ANXA11: variants seen among roughly 807,000 people sequenced by gnomAD.
ANXA11 encodes the protein annexin A11, also known as 56 kDa autoantigen.
ANXA11 carries 57 observed loss-of-function variants against 64.7 expected under a neutral mutation model. The ratio of observed to expected loss-of-function variants is 0.88; its 90% confidence interval spans 0.71 to 1.10. The LOEUF is 1.10. ANXA11 is among the 50% of genes least tolerant of loss of function. ANXA11 has a pLI of 0.00. For missense variants in ANXA11, 675 were observed against 670.7 expected, an observed-to-expected ratio of 1.01 and a Z score of -0.07; for synonymous variants, 260 against 265.2, an observed-to-expected ratio of 0.98 and a Z score of 0.19.
chr10:80,202,928 C>T (rs1840498837), intron 1 of ANXA11, among the ~76,000 whole-genome samples: 1 of 151,804 alleles, frequency 6.6e-6, no homozygotes, highest in Non-Finnish European at 1.5e-5. Flanking sequence ...TGCCTGTAAT[C>T]CCAGCTACTC....
chr10:80,187,569 ACT>A (rs796909130), intron 1 of ANXA11, among the ~76,000 whole-genome samples: 88 of 118,852 alleles, frequency 7.4e-4, no homozygotes, highest in Middle Eastern at 4.2e-3. Flanking sequence ...ACACACACAC[ACT>A]CTCTCTCTCT....
At position 80,159,127 on chromosome 10, in the gene ANXA11, C is replaced by A. The variant is rs773306833; in HGVS notation, c.1249G>T (p.Asp417Tyr). The change falls in exon 13 of 16, where the codon GAC (aspartate) becomes TAC (tyrosine). Residue 417 changes from aspartate (D) to tyrosine (Y), a missense_variant. By Grantham distance (160) the Asp-to-Tyr change is radical. Coordinates refer to ENST00000422982, the MANE Select transcript of ANXA11 (RefSeq NM_145868.2). ...ACGGCCAGCATGCCCTCCTCCAGGTCCCCGGACATCTCCCGGCAGATGCTC... is the reference window on the plus strand; with the variant it reads ...ACGGCCAGCATGCCCTCCTCCAGGTACCCGGACATCTCCCGGCAGATGCTC... ...EKSICREMSG[D>Y]LEEGMLAVVK... The A allele has an allele frequency of 6.2e-7, 1 of 1,614,086 alleles. No homozygotes were observed. The highest frequency in any genetic ancestry group is 1.3e-5 in the African/African-American group (1 of 75,028).
At chr10:80,158,967 T>C in intron 13 of ANXA11, 133 bp downstream of exon 13, 1 of 696,362 alleles carries the variant, frequency 1.4e-6, no homozygotes, top group Non-Finnish European at 2.5e-6. Context: ...ATCTGGACAC[T>C]CTGGGCTGAG....
rs776010573 is a variant in ANXA11 at position 80,161,884 on chromosome 10, C to G, written c.1180+51G>C. ...CCCATAGCTTTGTTTCCCCACAATCCCCTGACTGCCCTCATCTAACTGGCC... is the reference window on the plus strand; with the variant it reads ...CCCATAGCTTTGTTTCCCCACAATCGCCTGACTGCCCTCATCTAACTGGCC... On this transcript the variant is annotated intron_variant, in intron 12 of 15. Coordinates refer to ENST00000422982, the MANE Select transcript of ANXA11 (RefSeq NM_145868.2). 3 of 1,479,502 alleles carry G rather than the reference C, an allele frequency of 2.0e-6. No individual in the cohort carries two copies. In the South Asian group the frequency reaches 3.4e-5, roughly 17 times the overall value. The allele number at this position is 1,479,502 out of a possible 1,614,324, so 91.6% of individuals were successfully genotyped here.
At position 80,168,978 on chromosome 10, in the gene ANXA11, G is replaced by T. The variant is rs765664521; in HGVS notation, c.552C>A (p.Pro184=). 1.3e-5 allele frequency: 20 copies of T among 1,533,026 alleles called. No homozygotes were observed. The Middle Eastern group carries it at 5.6e-4, about 43-fold the overall frequency. 95.0% of individuals were successfully genotyped at this position (1,533,026 alleles called of 1,614,324 possible). Residue 184 remains proline, a synonymous_variant, in exon 5 of 16, where the codon CCC becomes CCA. Transcript: ENST00000422982. ...PGSGTVTPAV[P]PTQFGSRGTI... is the part of the protein sequence containing the mutation. ...GTGGGCTGACACTCACCTGGGTTGGGGGCACAGCGGGGGTGACAGTCCCAG... is the reference window on the plus strand; with the variant it reads ...GTGGGCTGACACTCACCTGGGTTGGTGGCACAGCGGGGGTGACAGTCCCAG...
intron 1 of ANXA11, among the ~76,000 whole-genome samples, chr10:80,203,202 T>C (rs904914588): frequency 1.3e-5 from 2 of 152,246 alleles, no homozygotes; most frequent in Admixed American, 6.5e-5. Context: ...TTCTTTTCTC[T>C]ATTCTACAAT....
chr10:80,157,694 T>G lies in ANXA11; in HGVS notation c.1405A>C (p.Ile469Leu). ...VSRSETDLLD[I>L]RSEYKRMYGK... ...TACATCCGCTTATACTCTGATCTGA[T>G]GTCCAGGAGGTCGGTCTCGCTGCGA... The change falls in exon 15 of 16, where the codon ATC becomes CTC. Residue 469 changes from isoleucine (I) to leucine (L), a missense_variant. Coordinates refer to ENST00000422982, the MANE Select transcript of ANXA11 (RefSeq NM_145868.2). The G allele has an allele frequency of 6.2e-7, 1 of 1,614,002 alleles. No individual in the cohort carries two copies. The highest frequency in any genetic ancestry group is 1.1e-5 in the South Asian group (1 of 91,068).
intron 2 of ANXA11, 193 bp from the exon 3 acceptor site, chr10:80,173,062 G>C (rs1846042172): frequency 1.8e-6 from 1 of 556,902 alleles, no homozygotes; most frequent in Non-Finnish European, 3.2e-6. Flanking sequence ...GTACCCACCA[G>C]CATGCTGCCT....
intron 6 of ANXA11, 100 bp downstream of exon 6, chr10:80,167,126 G>T: frequency 7.4e-7 from 1 of 1,347,574 alleles, no homozygotes; most frequent in Non-Finnish European, 1.1e-6. Flanking sequence ...ACTGGGGCCA[G>T]GTCAGCGTCC....
chr10:80,161,860 C>T, intron 12 of ANXA11, 75 bp downstream of exon 12: 1 of 1,310,520 alleles, frequency 7.6e-7, no homozygotes, highest in South Asian at 1.2e-5. Context: ...CCAAGTGTTC[C>T]CATAGCTTTG....
chr10:80,155,914 TG>T lies in ANXA11; in HGVS notation c.1459-3del. The T allele has an allele frequency of 6.2e-7, 1 of 1,614,020 alleles. No homozygotes were observed. The highest frequency in any genetic ancestry group is 8.5e-7 in the Non-Finnish European group (1 of 1,179,858). ...CCGGTAATCCCCTGAAGTATCTCCC[TG>T]GCCACAGAAACAAGGAAGACATCCG... is the stretch of plus-strand genomic sequence containing the variant. On this transcript the variant is annotated splice_polypyrimidine_tract_variant and splice_region_variant and intron_variant, in intron 15 of 15. Coordinates refer to ENST00000422982, the MANE Select transcript of ANXA11 (RefSeq NM_145868.2).
At chr10:80,181,214 G>T (rs1359728866) in intron 1 of ANXA11, 2 of 152,222 alleles carry the variant, frequency 1.3e-5, no homozygotes, top group Non-Finnish European at 2.9e-5. Context: ...ACTTTGGGAG[G>T]CTGACGCAGG....
chr10:80,165,124 C>CG (rs1179060692), intron 8 of ANXA11, among the ~76,000 whole-genome samples: 3 of 152,192 alleles, frequency 2.0e-5, no homozygotes, highest in Non-Finnish European at 4.4e-5. Flanking sequence ...CCTGGGGCCC[C>CG]GGGCCATCGC....
intron 1 of ANXA11, among the ~76,000 whole-genome samples, chr10:80,187,742 G>A (rs763294796): frequency 7.9e-5 from 12 of 152,112 alleles, no homozygotes; most frequent in Non-Finnish European, 1.5e-4. Context: ...GCCAGGGCCC[G>A]CCTAGGAGGG....
chr10:80,180,146 C>T (rs1439995286), intron 1 of ANXA11, among the ~76,000 whole-genome samples: 1 of 152,198 alleles, frequency 6.6e-6, no homozygotes, highest in Admixed American at 6.5e-5. Flanking sequence ...AGTCCCCTAA[C>T]ACAGGAATCT....
At chr10:80,197,136 C>T (rs778565504) in intron 1 of ANXA11, among the ~76,000 whole-genome samples, 6 of 152,174 alleles carry the variant, frequency 3.9e-5, no homozygotes, top group East Asian at 1.9e-4. Context: ...AAAGACTCTG[C>T]CTGAGGTCTC....
intron 2 of ANXA11, among the ~76,000 whole-genome samples, chr10:80,175,110 A>G (rs1362701373): frequency 1.3e-5 from 2 of 152,162 alleles, no homozygotes; most frequent in African/African-American, 2.4e-5. Context: ...CCCCGGTGGC[A>G]TCACCTTCAG....
chr10:80,166,287 C>T, intron 7 of ANXA11, 90 bp from the exon 8 acceptor site: 1 of 743,728 alleles, frequency 1.3e-6, no homozygotes, highest in Non-Finnish European at 2.2e-6. Context: ...AGCCATATCC[C>T]AGATTTGAGG....
rs1321386250 is a variant in ANXA11, at chr10:80,153,802, C to G, written c.*2051G>C. 1.3e-5 allele frequency: 2 copies of G among 152,286 alleles called. No individual in the cohort carries two copies. Among genetic ancestry groups the G allele is most frequent in the African/African-American group, 2.4e-5 (1 of 41,470 alleles). 9.4% of individuals were successfully genotyped at this position (152,286 alleles called of 1,614,324 possible). A position where few individuals can be genotyped will look rare whatever the true frequency, so the allele number is the denominator to read the frequency against. ...TCTCAGCTCATGGCTGCTCCACACC[C>G]TTCGGATGTCATTCTTCCTTTATGT... is the stretch of plus-strand genomic sequence containing the variant. On this transcript the variant is annotated 3_prime_UTR_variant, in exon 16 of 16. Coordinates refer to ENST00000422982, the MANE Select transcript of ANXA11 (RefSeq NM_145868.2).
Sources: gnomAD v4.1 joint callset for allele counts (sites outside exome capture counted in the v4.1 genomes callset) on GRCh38, gnomAD v4.1.1 for gene constraint, MANE v1.5 for transcripts, NCBI Gene and HGNC (gene_info 2026-07-23, HGNC 2026-07-21) for gene names.